The following TCF12 variants were observed in gnomAD, a reference collection of about 807,000 sequenced individuals.
The protein encoded by TCF12 is DNA-binding protein HTF4.
Under a neutral mutation model 86.0 loss-of-function variants are expected in TCF12, and 45 were observed. The observed-to-expected ratio is 0.52, with a 90% CI of 0.41 to 0.67. The LOEUF (loss-of-function observed/expected upper bound fraction) is 0.67. Among genes scored for constraint, TCF12 ranks in the 30% least tolerant of loss-of-function variants. TCF12 has a pLI of 0.00. For synonymous variants in TCF12, 330 were observed against 299.6 expected, an observed-to-expected ratio of 1.10 and a Z score of -1.05; for missense variants, 881 against 859.9, an observed-to-expected ratio of 1.02 and a Z score of -0.31.
intron 3 of TCF12, among the ~76,000 whole-genome samples, chr15:57,037,791 C>T (rs752976887): frequency 6.6e-6 from 1 of 152,174 alleles, no homozygotes; most frequent in African/African-American, 2.4e-5. Context: ...CACACATGTA[C>T]TTACACATGT....
At chr15:57,076,141 C>T (rs1281115056) in intron 4 of TCF12, among the ~76,000 whole-genome samples, 2 of 151,838 alleles carry the variant, frequency 1.3e-5, no homozygotes, top group East Asian at 2.0e-4. Flanking sequence ...TAGGCATGAG[C>T]CACTGCGTTC....
chr15:56,937,101 C>T (rs1221394564), intron 3 of TCF12, among the ~76,000 whole-genome samples: 2 of 152,132 alleles, frequency 1.3e-5, no homozygotes, highest in African/African-American at 2.4e-5. Flanking sequence ...CATGATTCAT[C>T]TGTGAGCATG....
chr15:57,004,985 A>G (rs1214149831), intron 3 of TCF12, among the ~76,000 whole-genome samples: 1 of 152,204 alleles, frequency 6.6e-6, no homozygotes, highest in African/African-American at 2.4e-5. Flanking sequence ...TCTTCCATTC[A>G]TTGAAAGCAT....
chr15:57,110,347 C>A (rs547316691), intron 5 of TCF12, among the ~76,000 whole-genome samples: 1 of 152,186 alleles, frequency 6.6e-6, no homozygotes, highest in East Asian at 1.9e-4. Flanking sequence ...CTTGAAAGCA[C>A]TAGCAGAATA....
chr15:57,181,118 C>G lies in TCF12; in HGVS notation c.391-11040C>G, dbSNP rs147929040. ...CGTGAGCCACCACGCCTGGCCGATG[C>G]TAATAATTTTTGACCTACGGTTAAT... On this transcript the variant is annotated intron_variant, in intron 6 of 20. Coordinates refer to ENST00000333725, the MANE Select transcript of TCF12 (RefSeq NM_207037.2). Among the ~76,000 whole-genome samples the G allele has an allele frequency of 1.3e-3, 204 of 152,016 alleles. 2 individuals carry two copies. Among genetic ancestry groups the G allele is most frequent in the African/African-American group, 4.7e-3 (195 of 41,502 alleles).
intron 8 of TCF12, among the ~76,000 whole-genome samples, chr15:57,228,414 A>G (rs1373761747): frequency 6.6e-6 from 1 of 152,042 alleles, no homozygotes; most frequent in African/African-American, 2.4e-5. Context: ...ATGATATAGT[A>G]GGATTTTTTT....
intron 3 of TCF12, among the ~76,000 whole-genome samples, chr15:56,962,708 C>G (rs565915134): frequency 2.0e-5 from 3 of 152,292 alleles, no homozygotes; most frequent in East Asian, 1.9e-4. Context: ...TAGATCATCT[C>G]TTAAGTTACT....
At chr15:57,047,156 G>A (rs1290656623) in intron 3 of TCF12, among the ~76,000 whole-genome samples, 10 of 152,188 alleles carry the variant, frequency 6.6e-5, no homozygotes. Flanking sequence ...TATTTTGCCA[G>A]CGTTTTGCTG....
At chr15:57,193,058 A>C (rs1206788188) in intron 7 of TCF12, among the ~76,000 whole-genome samples, 1 of 152,188 alleles carries the variant, frequency 6.6e-6, no homozygotes, top group Non-Finnish European at 1.5e-5. Context: ...CAAAATTTGC[A>C]AGGTGGTTTT....
At chr15:57,089,663 T>G (rs1429047919) in intron 4 of TCF12, among the ~76,000 whole-genome samples, 5 of 152,086 alleles carry the variant, frequency 3.3e-5, no homozygotes, top group African/African-American at 1.2e-4. Context: ...GATACAAAAT[T>G]GCTCTTTCAT....
At chr15:56,994,222 A>C (rs2093866019) in intron 3 of TCF12, among the ~76,000 whole-genome samples, 1 of 152,194 alleles carries the variant, frequency 6.6e-6, no homozygotes, top group African/African-American at 2.4e-5. Flanking sequence ...TAAAAAATTG[A>C]ACAGAGCCTT....
intron 4 of TCF12, among the ~76,000 whole-genome samples, chr15:57,084,269 T>C (rs2048488173): frequency 6.6e-6 from 1 of 152,194 alleles, no homozygotes; most frequent in Non-Finnish European, 1.5e-5. Flanking sequence ...AGGGGGACAG[T>C]AACATTTTAA....
At chr15:57,067,478 C>T (rs2068980236) in intron 4 of TCF12, among the ~76,000 whole-genome samples, 1 of 7,778 alleles carries the variant, frequency 1.3e-4, no homozygotes, top group African/African-American at 2.0e-4. Context: ...AGGCGGAACT[C>T]GCAGTGAGCC....
intron 3 of TCF12, among the ~76,000 whole-genome samples, chr15:56,936,270 GTA>G (rs2060467203): frequency 6.6e-6 from 1 of 152,056 alleles, no homozygotes; most frequent in South Asian, 2.1e-4. Context: ...TTGGCCATTT[GTA>G]TATCTTCTTT....
chr15:57,226,155 T>A (rs1267018207), intron 8 of TCF12, among the ~76,000 whole-genome samples: 3 of 151,774 alleles, frequency 2.0e-5, no homozygotes, highest in African/African-American at 7.3e-5. Flanking sequence ...TTTTTTAATA[T>A]AGGGTTTGAC....
chr15:56,932,754 A>G (rs2060302848), intron 3 of TCF12, among the ~76,000 whole-genome samples: 1 of 152,054 alleles, frequency 6.6e-6, no homozygotes, highest in South Asian at 2.1e-4. Context: ...TGGTAGAGAC[A>G]GGGTTTCACT....
chr15:57,079,182 A>G (rs979175404), intron 4 of TCF12, among the ~76,000 whole-genome samples: 9 of 152,238 alleles, frequency 5.9e-5, no homozygotes, highest in Non-Finnish European at 1.2e-4. Context: ...AGCTGAAACT[A>G]TTCCAATAAA....
In TCF12 at chr15:57,288,706, C is replaced by A. The variant is rs1273079663; in HGVS notation, c.*2561C>A. The A allele has an allele frequency of 6.6e-6, 1 of 152,214 alleles. No individual in the cohort carries two copies. The highest frequency in any genetic ancestry group is 2.4e-5 in the African/African-American group (1 of 41,450). The allele number at this position is 152,214 out of a possible 1,614,324, so 9.4% of individuals were successfully genotyped here. ...GCAATCTGGTCTAGAGCTTCTCTAG[C>A]TTGTGCTTTTCTCCTCTTGCCCTCA... On this transcript the variant is annotated 3_prime_UTR_variant, in exon 21 of 21. Coordinates refer to ENST00000333725, the MANE Select transcript of TCF12 (RefSeq NM_207037.2).
chr15:57,273,373 T>C lies in TCF12; in HGVS notation c.1978+111T>C, dbSNP rs553103241. On this transcript the variant is annotated intron_variant, in intron 19 of 20. Transcript: ENST00000333725. Reference sequence around the variant, plus strand: ...GTTGTTTGTTATTTCTCCCAGTACTTCTTCTACTGTATCATCAGGGTCGTT... The same window carrying C: ...GTTGTTTGTTATTTCTCCCAGTACTCCTTCTACTGTATCATCAGGGTCGTT... 9 of 1,080,948 alleles carry C rather than the reference T, an allele frequency of 8.3e-6. No homozygotes were observed. The Admixed American group carries it at 9.4e-5, about 11-fold the overall frequency. 67.0% of individuals were successfully genotyped at this position (1,080,948 alleles called of 1,614,324 possible). A position where few individuals can be genotyped will look rare whatever the true frequency, so the allele number is the denominator to read the frequency against.
Sources: gnomAD v4.1 joint callset for allele counts (sites outside exome capture counted in the v4.1 genomes callset) on GRCh38, gnomAD v4.1.1 for gene constraint, MANE v1.5 for transcripts, NCBI Gene and HGNC (gene_info 2026-07-23, HGNC 2026-07-21) for gene names.